The following ADAM10 variants were observed in gnomAD, a reference collection of about 807,000 sequenced individuals.
ADAM10 encodes ADAM metallopeptidase domain 10.
A neutral mutation model predicts 90.1 loss-of-function variants in ADAM10; 17 were observed. The observed-to-expected ratio is 0.19, with a 90% confidence interval of 0.13 to 0.28. The LOEUF is 0.28. Among genes scored for constraint, ADAM10 ranks in the 10% least tolerant of loss-of-function variants. The probability of loss-of-function intolerance (pLI) is 1.00; values close to 1 mark genes in which losing one functional copy is unlikely to be tolerated. For missense variants in ADAM10, 610 were observed against 914.3 expected (o/e 0.67, Z 4.29); for synonymous variants, 310 against 298.6 (o/e 1.04, Z -0.40).
At chr15:58,696,480 C>CT (rs1897983604) in intron 2 of ADAM10, among the ~76,000 whole-genome samples, 1 of 145,382 alleles carries the variant, frequency 6.9e-6, no homozygotes, top group Non-Finnish European at 1.5e-5. Flanking sequence ...TTTTTTTTTT[C>CT]CCAAGATGAG....
At chr15:58,672,102 T>C (rs1029967894) in intron 4 of ADAM10, among the ~76,000 whole-genome samples, 1 of 152,088 alleles carries the variant, frequency 6.6e-6, no homozygotes, top group East Asian at 1.9e-4. Flanking sequence ...AAAACAAAAA[T>C]TTCAAATATA....
At chr15:58,600,509 T>G (rs1895079483) in intron 14 of ADAM10, among the ~76,000 whole-genome samples, 1 of 152,142 alleles carries the variant, frequency 6.6e-6, no homozygotes, top group African/African-American at 2.4e-5. Context: ...ATATCTTTAT[T>G]GTATTCATTA....
intron 1 of ADAM10, chr15:58,748,742 C>A (rs529998030): frequency 2.5e-6 from 1 of 394,224 alleles, no homozygotes; most frequent in Non-Finnish European, 4.5e-6. Flanking sequence ...ACCCTTCTCC[C>A]GACCAAACCC....
At chr15:58,735,436 G>A (rs1479652718) in intron 1 of ADAM10, among the ~76,000 whole-genome samples, 22 of 152,300 alleles carry the variant, frequency 1.4e-4, no homozygotes, top group Admixed American at 9.8e-4. Flanking sequence ...TCCCTGGGGG[G>A]TTGGTTCAAG....
intron 2 of ADAM10, among the ~76,000 whole-genome samples, chr15:58,694,739 A>C (rs1378529993): frequency 1.5e-5 from 2 of 136,914 alleles, no homozygotes; most frequent in Non-Finnish European, 3.0e-5. Context: ...CAAACTACTC[A>C]GAAATTAAAA....
intron 4 of ADAM10, among the ~76,000 whole-genome samples, chr15:58,674,359 G>A (rs530389117): frequency 6.6e-6 from 1 of 152,278 alleles, no homozygotes; most frequent in African/African-American, 2.4e-5. Context: ...CAATACACTT[G>A]TATGCACTGT....
chr15:58,610,094 A>C, intron 14 of ADAM10: 1 of 613,024 alleles, frequency 1.6e-6, no homozygotes, highest in Non-Finnish European at 2.9e-6. Context: ...TCACCTACTA[A>C]GCAATCTATG....
rs754468638 is a variant in ADAM10 at position 58,643,893 on chromosome 15, C to T, written c.821G>A (p.Arg274His). 1.2e-6 allele frequency: 2 copies of T among 1,609,444 alleles called. No individual in the cohort carries two copies. Among genetic ancestry groups the T allele is most frequent in the Non-Finnish European group, 1.7e-6 (2 of 1,175,886 alleles). ...GIRNISFMVK[R>H]IRINTTADEK... is the part of the protein sequence containing the mutation. ...ACTATTTAAGTTCCTTACTCTTATG[C>T]GTTTCACCATGAAACTGATGTTACG... Residue 274 changes from arginine to histidine, a missense_variant, in exon 7 of 16, where the codon CGC (arginine) becomes CAC (histidine). This residue lies in a region of ADAM10 where 310 missense variants were observed against 362.4 expected (regional missense o/e 0.86). Coordinates refer to ENST00000260408, the MANE Select transcript of ADAM10 (RefSeq NM_001110.4).
At chr15:58,677,512 C>A (rs758460114) in intron 4 of ADAM10, among the ~76,000 whole-genome samples, 1 of 151,396 alleles carries the variant, frequency 6.6e-6, no homozygotes, top group African/African-American at 2.4e-5. Context: ...AATTATATTA[C>A]AAGAAAGAAA....
chr15:58,698,364 G>C (rs1298933348), intron 2 of ADAM10: 7 of 407,732 alleles, frequency 1.7e-5, no homozygotes, highest in Admixed American at 1.2e-4. Context: ...TTCAACCCAG[G>C]AGTTTGAGAC....
In ADAM10 at chr15:58,643,992, A is replaced by T; in HGVS notation, c.736-14T>A. 6.3e-7 allele frequency: 1 copy of T among 1,574,830 alleles called. No homozygotes were observed. Among genetic ancestry groups the T allele is most frequent in the Non-Finnish European group, 8.7e-7 (1 of 1,144,466 alleles). On this transcript the variant is annotated splice_polypyrimidine_tract_variant and intron_variant, in intron 6 of 15. Transcript: ENST00000260408. Reference sequence around the variant, plus strand: ...ATGACTGGATATCTATGATTTAAAAAAAAGAACATTTTAGAGGCAATGTTG... The same window carrying T: ...ATGACTGGATATCTATGATTTAAAATAAAGAACATTTTAGAGGCAATGTTG...
At chr15:58,728,956 G>A (rs558038689) in intron 1 of ADAM10, among the ~76,000 whole-genome samples, 2 of 152,230 alleles carry the variant, frequency 1.3e-5, no homozygotes, top group East Asian at 3.9e-4. Flanking sequence ...AGAACATTGG[G>A]GGAAACCAAC....
intron 5 of ADAM10, among the ~76,000 whole-genome samples, chr15:58,646,685 T>C (rs1415330552): frequency 6.6e-6 from 1 of 151,966 alleles, no homozygotes; most frequent in Non-Finnish European, 1.5e-5. Flanking sequence ...CTTACATCTC[T>C]TCTCCATATT....
At chr15:58,687,037 T>C (rs1329388617) in intron 2 of ADAM10, among the ~76,000 whole-genome samples, 1 of 152,240 alleles carries the variant, frequency 6.6e-6, no homozygotes, top group African/African-American at 2.4e-5. Flanking sequence ...CTGTTGTTCC[T>C]GGAAGATATT....
At chr15:58,736,404 G>A (rs139781043) in intron 1 of ADAM10, among the ~76,000 whole-genome samples, 3 of 151,708 alleles carry the variant, frequency 2.0e-5, no homozygotes, top group Admixed American at 6.6e-5. Context: ...AAGCCCCATG[G>A]GAAATCTGAA....
chr15:58,604,357 T>C (rs1895207419), intron 14 of ADAM10, among the ~76,000 whole-genome samples: 1 of 152,172 alleles, frequency 6.6e-6, no homozygotes, highest in African/African-American at 2.4e-5. Context: ...TGAGACTCCA[T>C]TTCAAAAATA....
chr15:58,692,019 G>A, intron 2 of ADAM10: 1 of 459,644 alleles, frequency 2.2e-6, no homozygotes, highest in Non-Finnish European at 4.4e-6. Flanking sequence ...CCAAGATTTT[G>A]CTCTGCTGGA....
At chr15:58,642,444 G>GC (rs1896440078) in intron 7 of ADAM10, among the ~76,000 whole-genome samples, 2 of 150,172 alleles carry the variant, frequency 1.3e-5, no homozygotes, top group Admixed American at 1.3e-4. Flanking sequence ...CAGCCTGGGC[G>GC]ACAGAGTGAG....
At position 58,748,547 on chromosome 15, in the gene ADAM10, T is replaced by C. The variant is rs536936027; in HGVS notation, c.55+933A>G. ...CCCGAAACAAGAAATGACATGCTTT[T>C]AGCAAATTTGACTTTCATGTGCAGG... On this transcript the variant is annotated intron_variant, in intron 1 of 15. Transcript: ENST00000260408. 58 of 174,088 alleles carry C rather than the reference T, an allele frequency of 3.3e-4. No homozygotes were observed. The East Asian group carries it at 4.7e-3, about 14-fold the overall frequency. The allele number at this position is 174,088 out of a possible 1,614,324, so 10.8% of individuals were successfully genotyped here.
Sources: allele counts gnomAD v4.1 joint callset (sites outside exome capture counted in the v4.1 genomes callset), GRCh38; gene constraint gnomAD v4.1.1; regional missense constraint gnomAD v4.1.1; transcripts MANE v1.5; gene names NCBI Gene and HGNC (gene_info 2026-07-23, HGNC 2026-07-21).